THADA: variants seen among roughly 807,000 people sequenced by gnomAD.
THADA encodes the protein THADA armadillo repeat containing, also known as tRNA (32-2'-O)-methyltransferase regulator THADA.
Under a neutral mutation model 219.8 loss-of-function variants are expected in THADA, and 213 were observed. The ratio of observed to expected loss-of-function variants is 0.97; its 90% confidence interval spans 0.87 to 1.09. The LOEUF is 1.09. Ranked by LOEUF, THADA falls within the 50% of genes least tolerant of loss-of-function variation. THADA has a pLI of 0.00. For synonymous variants in THADA, 1,018 were observed against 828.9 expected (o/e 1.23, Z -3.92); for missense variants, 2,956 against 2,311.3 (o/e 1.28, Z -5.72).
chr2:43,476,967 C>T (rs1293511974), intron 26 of THADA, among the ~76,000 whole-genome samples: 1 of 152,120 alleles, frequency 6.6e-6, no homozygotes, highest in Non-Finnish European at 1.5e-5. Flanking sequence ...TGAAATTTTC[C>T]TAGATTCAAA....
chr2:43,586,251 C>A (rs1701014571), intron 7 of THADA, 150 bp downstream of exon 7: 1 of 657,850 alleles, frequency 1.5e-6, no homozygotes, highest in Non-Finnish European at 2.5e-6. Flanking sequence ...GGTGACACAG[C>A]AAGACCCCAT....
intron 36 of THADA, among the ~76,000 whole-genome samples, chr2:43,247,860 T>C (rs1391060758): frequency 6.8e-6 from 1 of 147,394 alleles, no homozygotes. Flanking sequence ...TTGGGCAACA[T>C]AGTGAGAACC....
Position 43,549,223 on chromosome 2 carries a change from A to G in THADA, c.3093T>C (p.Ser1031=), listed in dbSNP as rs747911622. ...LNASVVNIDT[S]TEIKGKEVKT... ...TATACAAGTTACCTTTGATTTCTGTAGAAGTATCAATATTCACCACACTAG... is the reference window on the plus strand; with the variant it reads ...TATACAAGTTACCTTTGATTTCTGTGGAAGTATCAATATTCACCACACTAG... Residue 1031 remains serine (S), a synonymous_variant, in exon 20 of 38, where the codon TCT becomes TCC. Coordinates refer to ENST00000405975, the MANE Select transcript of THADA (RefSeq NM_022065.5). 7.2e-5 allele frequency: 114 copies of G among 1,574,940 alleles called. No individual in the cohort carries two copies. The highest frequency in any genetic ancestry group is 9.4e-5 in the Non-Finnish European group (109 of 1,161,250).
At chr2:43,467,254 T>C (rs1243656162) in intron 26 of THADA, among the ~76,000 whole-genome samples, 1 of 148,840 alleles carries the variant, frequency 6.7e-6, no homozygotes, top group Admixed American at 6.7e-5. Context: ...TAAGAAATAC[T>C]GTATATTATT....
chr2:43,302,003 CTTCT>C (rs1676319118), intron 31 of THADA, among the ~76,000 whole-genome samples: 1 of 152,018 alleles, frequency 6.6e-6, no homozygotes, highest in South Asian at 2.1e-4. Context: ...TAGCAGCCTT[CTTCT>C]TTAGCAGACT....
At chr2:43,402,708 C>G (rs1230952200) in intron 28 of THADA, among the ~76,000 whole-genome samples, 1 of 152,194 alleles carries the variant, frequency 6.6e-6, no homozygotes, top group Non-Finnish European at 1.5e-5. Context: ...AGGCCACAAG[C>G]AACCTACAGT....
chr2:43,571,691 T>G lies in THADA; in HGVS notation c.2064+16A>C. On this transcript the variant is annotated intron_variant, in intron 13 of 37. Transcript: ENST00000405975. ...AAGTTCACCACTTCCCTATGCCTTC[T>G]GATGGGAAATTCTACCTTTTTAAGA... The G allele has an allele frequency of 1.2e-6, 2 of 1,602,076 alleles. No homozygotes were observed. Among genetic ancestry groups the G allele is most frequent in the Non-Finnish European group, 8.5e-7 (1 of 1,174,046 alleles).
At chr2:43,397,730 A>C (rs573589431) in intron 29 of THADA, among the ~76,000 whole-genome samples, 2 of 152,206 alleles carry the variant, frequency 1.3e-5, no homozygotes, top group African/African-American at 4.8e-5. Context: ...AGTATACTGC[A>C]GAAAACACAG....
chr2:43,234,594 C>T (rs1406575613), intron 36 of THADA, among the ~76,000 whole-genome samples: 1 of 152,204 alleles, frequency 6.6e-6, no homozygotes, highest in Non-Finnish European at 1.5e-5. Flanking sequence ...CTGCAGTTCT[C>T]AATTGGCTGA....
chr2:43,466,274 A>G (rs1021992501), intron 26 of THADA, among the ~76,000 whole-genome samples: 65 of 152,224 alleles, frequency 4.3e-4, no homozygotes, highest in African/African-American at 1.5e-3. Context: ...AATGTCTTCA[A>G]GAAATTCTGA....
intron 4 of THADA, among the ~76,000 whole-genome samples, chr2:43,588,766 T>A (rs757763203): frequency 6.6e-6 from 1 of 152,134 alleles, no homozygotes; most frequent in Non-Finnish European, 1.5e-5. Context: ...TTTAACAATA[T>A]CTACCAAGAA....
At chr2:43,278,095 T>C (rs1186837552) in intron 36 of THADA, among the ~76,000 whole-genome samples, 1 of 151,802 alleles carries the variant, frequency 6.6e-6, no homozygotes, top group Non-Finnish European at 1.5e-5. Context: ...GGATTACGGG[T>C]GCCCGCCACC....
At chr2:43,443,293 G>A (rs1239697847) in intron 26 of THADA, among the ~76,000 whole-genome samples, 1 of 152,200 alleles carries the variant, frequency 6.6e-6, no homozygotes, top group Non-Finnish European at 1.5e-5. Flanking sequence ...GACCAAGATA[G>A]TAACACATTA....
chr2:43,413,831 C>T (rs1428926625), intron 28 of THADA, among the ~76,000 whole-genome samples: 4 of 152,210 alleles, frequency 2.6e-5, no homozygotes, highest in African/African-American at 9.7e-5. Context: ...TTATATGCAA[C>T]AGCAATCCCA....
intron 36 of THADA, among the ~76,000 whole-genome samples, chr2:43,275,170 A>G (rs777123244): frequency 6.6e-6 from 1 of 151,826 alleles, no homozygotes; most frequent in Non-Finnish European, 1.5e-5. Context: ...ATGCCCAGCT[A>G]ATTTTTGTAT....
chr2:43,515,152 ATATATT>A (rs1691345033), intron 22 of THADA, among the ~76,000 whole-genome samples: 2 of 16,032 alleles, frequency 1.2e-4, no homozygotes, highest in African/African-American at 1.9e-4. Context: ...AATATATTTT[ATATATT>A]ATATATAATA....
rs1674936529 is a variant in THADA, at chr2:43,293,087, A to C, written c.4565T>G (p.Leu1522Arg). 2 of 1,613,972 alleles carry C rather than the reference A, an allele frequency of 1.2e-6. No individual in the cohort carries two copies. The highest frequency in any genetic ancestry group is 4.5e-5 in the East Asian group (2 of 44,880). Residue 1522 changes from leucine to arginine, a missense_variant, in exon 32 of 38, where the codon CTA (leucine) becomes CGA (arginine). Coordinates refer to ENST00000405975, the MANE Select transcript of THADA (RefSeq NM_022065.5). ...LPQYLQSLTR[L>R]AIAAVWAAAA... ...CGCGGCCCACACTGCAGCAATGGCT[A>C]GTCTGGTGAGGCTCTGGAGGTACTG...
chr2:43,499,982 C>A (rs1688731914), intron 24 of THADA, among the ~76,000 whole-genome samples: 1 of 151,422 alleles, frequency 6.6e-6, no homozygotes, highest in Non-Finnish European at 1.5e-5. Context: ...ATTAACAAAC[C>A]CAAAAGCTGA....
intron 28 of THADA, among the ~76,000 whole-genome samples, chr2:43,398,496 C>A (rs1281980650): frequency 6.6e-6 from 1 of 152,118 alleles, no homozygotes; most frequent in Admixed American, 6.5e-5. Flanking sequence ...AGACAGTCAC[C>A]ATTGTCTTTG....
Sources: allele counts gnomAD v4.1 joint callset (sites outside exome capture counted in the v4.1 genomes callset), GRCh38; gene constraint gnomAD v4.1.1; transcripts MANE v1.5; gene names NCBI Gene and HGNC (gene_info 2026-07-23, HGNC 2026-07-21).